TAFA1: variants seen among roughly 807,000 people sequenced by gnomAD.
TAFA1 encodes the protein chemokine-like protein TAFA-1.
In TAFA1, 4 loss-of-function variants were observed where a neutral mutation model predicts 18.5. The observed-to-expected ratio is 0.22, with a 90% confidence interval of 0.11 to 0.49. The LOEUF is 0.49. Among genes scored for constraint, TAFA1 ranks in the 20% least tolerant of loss-of-function variants. The pLI is 0.98. For missense variants in TAFA1, 147 were observed against 169.0 expected (o/e 0.87, Z 0.72); for synonymous variants, 56 against 55.2 (o/e 1.01, Z -0.06).
At chr3:68,020,876 G>C (rs956886891) in intron 2 of TAFA1, among the ~76,000 whole-genome samples, 2 of 152,036 alleles carry the variant, frequency 1.3e-5, no homozygotes, top group Non-Finnish European at 2.9e-5. Context: ...AGGTGAAGGT[G>C]GTCTAGTTAA....
chr3:68,224,008 T>C (rs1231439643), intron 2 of TAFA1, among the ~76,000 whole-genome samples: 1 of 151,130 alleles, frequency 6.6e-6, no homozygotes, highest in Non-Finnish European at 1.5e-5. Context: ...ATAAAATTTA[T>C]TGAGCCCAGA....
intron 2 of TAFA1, among the ~76,000 whole-genome samples, chr3:68,195,489 C>G (rs564944042): frequency 2.6e-5 from 4 of 151,202 alleles, no homozygotes; most frequent in African/African-American, 9.7e-5. Flanking sequence ...ACCACTGGTT[C>G]TAAACCAGGG....
rs1460416883 is a variant in TAFA1 at position 68,524,716 on chromosome 3, G to A, written c.260-14040G>A. ...GACTGAGTCTCCCTCTGTCGCCCAG[G>A]CTGGAGTGCAGTGGTGCGATCTCGG... On this transcript the variant is annotated intron_variant, in intron 3 of 4. Transcript: ENST00000478136. Among the ~76,000 whole-genome samples the A allele has an allele frequency of 4.6e-5, 7 of 152,010 alleles. No individual in the cohort carries two copies. In the East Asian group the frequency reaches 1.4e-3, roughly 30 times the overall value.
chr3:68,498,117 T>C (rs962454162), intron 3 of TAFA1, among the ~76,000 whole-genome samples: 1 of 152,182 alleles, frequency 6.6e-6, no homozygotes, highest in African/African-American at 2.4e-5. Flanking sequence ...CAGAGTTTGA[T>C]CCTAGCTGGG....
intron 3 of TAFA1, among the ~76,000 whole-genome samples, chr3:68,420,042 T>C (rs905135213): frequency 2.0e-5 from 3 of 152,158 alleles, no homozygotes; most frequent in African/African-American, 4.8e-5. Context: ...TTTACTTTCA[T>C]GGTACTGATT....
At chr3:68,007,837 A>G (rs948894098) in intron 2 of TAFA1, among the ~76,000 whole-genome samples, 2 of 152,110 alleles carry the variant, frequency 1.3e-5, no homozygotes, top group Non-Finnish European at 2.9e-5. Context: ...GGACACCGAT[A>G]CTAGGCTCTT....
chr3:68,144,870 T>G, intron 2 of TAFA1: 1 of 636,104 alleles, frequency 1.6e-6, no homozygotes, highest in Non-Finnish European at 2.9e-6. Flanking sequence ...GTCTTTTACA[T>G]TTACATTCCA....
At chr3:68,112,154 G>A (rs1326711115) in intron 2 of TAFA1, among the ~76,000 whole-genome samples, 1 of 152,092 alleles carries the variant, frequency 6.6e-6, no homozygotes, top group Non-Finnish European at 1.5e-5. Context: ...TTAACAGTGG[G>A]CATCTGTTCC....
chr3:68,513,029 C>T (rs1236510306), intron 3 of TAFA1, among the ~76,000 whole-genome samples: 9 of 152,076 alleles, frequency 5.9e-5, no homozygotes, highest in African/African-American at 2.2e-4. Context: ...ACTCACTTTA[C>T]AGATGAGAAT....
At chr3:68,111,232 C>T (rs146253461) in intron 2 of TAFA1, among the ~76,000 whole-genome samples, 330 of 152,248 alleles carry the variant, frequency 2.2e-3, no homozygotes, top group African/African-American at 7.7e-3. Flanking sequence ...GTGCAATCTA[C>T]TAGTAGCTGA....
intron 3 of TAFA1, among the ~76,000 whole-genome samples, chr3:68,505,745 C>T (rs1204450944): frequency 6.6e-6 from 1 of 152,058 alleles, no homozygotes; most frequent in Non-Finnish European, 1.5e-5. Context: ...CACAAGACCC[C>T]TCCCACAGGC....
intron 3 of TAFA1, among the ~76,000 whole-genome samples, chr3:68,483,902 A>G (rs1014262659): frequency 6.6e-6 from 1 of 152,250 alleles, no homozygotes; most frequent in African/African-American, 2.4e-5. Flanking sequence ...AGACTGAGGT[A>G]TGAAGCTTGA....
chr3:68,155,028 AAT>A (rs2065850612), intron 2 of TAFA1, among the ~76,000 whole-genome samples: 2 of 152,210 alleles, frequency 1.3e-5, no homozygotes, highest in Admixed American at 6.5e-5. Flanking sequence ...CAACCCAGTT[AAT>A]CAACAAACCA....
chr3:68,532,443 G>T (rs1263089183), intron 3 of TAFA1, among the ~76,000 whole-genome samples: 1 of 152,132 alleles, frequency 6.6e-6, no homozygotes, highest in African/African-American at 2.4e-5. Context: ...AGGGGGGATG[G>T]AGGGTGGGCA....
chr3:68,041,007 G>C lies in TAFA1; in HGVS notation c.118+34263G>C, dbSNP rs542122145. On this transcript the variant is annotated intron_variant, in intron 2 of 4. Transcript: ENST00000478136. ...ATGCAACTCTAAGATACGTAACATTGTCTTGAAAATTGCATTAAGACAGTG... is the reference window on the plus strand; with the variant it reads ...ATGCAACTCTAAGATACGTAACATTCTCTTGAAAATTGCATTAAGACAGTG... 5.3e-5 allele frequency among the ~76,000 whole-genome samples: 8 copies of C among 152,202 alleles called. No individual in the cohort carries two copies. In the East Asian group the frequency reaches 9.7e-4, roughly 18 times the overall value.
At chr3:68,369,770 A>T (rs899876191) in intron 2 of TAFA1, among the ~76,000 whole-genome samples, 1 of 152,126 alleles carries the variant, frequency 6.6e-6, no homozygotes, top group South Asian at 2.1e-4. Flanking sequence ...GTTAAACAAG[A>T]TCTCCTGTTT....
At chr3:68,054,859 T>C (rs1018272217) in intron 2 of TAFA1, among the ~76,000 whole-genome samples, 1 of 152,220 alleles carries the variant, frequency 6.6e-6, no homozygotes, top group African/African-American at 2.4e-5. Flanking sequence ...TTTTAAGATC[T>C]AAGGTTATAG....
intron 2 of TAFA1, among the ~76,000 whole-genome samples, chr3:68,056,292 C>T (rs1399915892): frequency 6.6e-6 from 1 of 152,156 alleles, no homozygotes; most frequent in African/African-American, 2.4e-5. Context: ...TGAGTTCCAA[C>T]CTGAGTTCTC....
chr3:68,098,036 G>A (rs1177349245), intron 2 of TAFA1, among the ~76,000 whole-genome samples: 2 of 152,160 alleles, frequency 1.3e-5, no homozygotes, highest in African/African-American at 4.8e-5. Context: ...TGATGCTCTT[G>A]TTAGTGACCA....
Sources: gnomAD v4.1 joint callset for allele counts (sites outside exome capture counted in the v4.1 genomes callset) on GRCh38, gnomAD v4.1.1 for gene constraint, MANE v1.5 for transcripts, NCBI Gene and HGNC (gene_info 2026-07-23, HGNC 2026-07-21) for gene names.